CCDC60: variants seen among roughly 807,000 people sequenced by gnomAD.
The protein encoded by CCDC60 is coiled-coil domain-containing protein 60.
In CCDC60, 54 loss-of-function variants were observed where a neutral mutation model predicts 63.5. The ratio of observed to expected loss-of-function variants is 0.85; its 90% confidence interval spans 0.68 to 1.07. The LOEUF (loss-of-function observed/expected upper bound fraction) is 1.07, where lower values mean the gene tolerates loss of function less well. Ranked by LOEUF, CCDC60 falls within the 50% of genes least tolerant of loss-of-function variation. The probability of loss-of-function intolerance (pLI) is 0.00; values close to 1 mark genes in which losing one functional copy is unlikely to be tolerated. For synonymous variants in CCDC60, 206 were observed against 238.8 expected (o/e 0.86, Z 1.27); for missense variants, 651 against 684.3 (o/e 0.95, Z 0.54).
At chr12:119,377,684 A>G (rs535672416) in intron 1 of CCDC60, among the ~76,000 whole-genome samples, 1 of 152,344 alleles carries the variant, frequency 6.6e-6, no homozygotes, top group African/African-American at 2.4e-5. Context: ...AGCAAATGAA[A>G]AAATTTGGAA....
intron 2 of CCDC60, among the ~76,000 whole-genome samples, chr12:119,435,798 G>T (rs1254449260): frequency 6.6e-6 from 1 of 152,166 alleles, no homozygotes; most frequent in African/African-American, 2.4e-5. Context: ...TGATTATGAG[G>T]CTATGGTTCC....
intron 1 of CCDC60, among the ~76,000 whole-genome samples, chr12:119,406,611 G>C (rs1266939131): frequency 6.6e-6 from 1 of 151,818 alleles, no homozygotes; most frequent in East Asian, 1.9e-4. Flanking sequence ...AAGAGGAATA[G>C]CTGCTTAAAT....
rs1327192332 is a variant in CCDC60, at chr12:119,491,631, T to TAC, written c.557+2769_557+2770dup. 2.6e-5 allele frequency among the ~76,000 whole-genome samples: 4 copies of TAC among 152,266 alleles called. 1 individual carries two copies. In the South Asian group the frequency reaches 8.3e-4, roughly 32 times the overall value. On this transcript the variant is annotated intron_variant, in intron 5 of 13. Coordinates refer to ENST00000327554, the MANE Select transcript of CCDC60 (RefSeq NM_178499.5). ...GCATGAGCCACTGTGCCCGGCCCCT[T>TAC]ACACATATCTTTTATGCCCAGTTAC...
intron 2 of CCDC60, among the ~76,000 whole-genome samples, chr12:119,447,031 C>T: frequency 6.6e-6 from 1 of 152,012 alleles, no homozygotes. Flanking sequence ...ATAGCTTAAT[C>T]CTGGGGATCA....
At position 119,529,856 on chromosome 12, in the gene CCDC60, G is replaced by A. The variant is rs112429493; in HGVS notation, c.1362-1018G>A. 6.7e-3 allele frequency among the ~76,000 whole-genome samples: 1,023 copies of A among 152,286 alleles called. 9 individuals are homozygous for A. Among genetic ancestry groups the A allele is most frequent in the African/African-American group, 0.023 (966 of 41,554 alleles). ...GGAAATTAATGCTGGTCCTCCCACA[G>A]TGAGATTCAGCCCACAAATCTAATG... is the stretch of plus-strand genomic sequence containing the variant. On this transcript the variant is annotated intron_variant, in intron 12 of 13. Coordinates refer to ENST00000327554, the MANE Select transcript of CCDC60 (RefSeq NM_178499.5).
intron 1 of CCDC60, among the ~76,000 whole-genome samples, chr12:119,413,364 C>T (rs1956640696): frequency 6.6e-6 from 1 of 152,170 alleles, no homozygotes; most frequent in South Asian, 2.1e-4. Flanking sequence ...CATCTAGCGC[C>T]ACCTACTGTT....
At chr12:119,436,040 G>A (rs1468322542) in intron 2 of CCDC60, among the ~76,000 whole-genome samples, 1 of 152,202 alleles carries the variant, frequency 6.6e-6, no homozygotes, top group African/African-American at 2.4e-5. Flanking sequence ...GATCTTTTGA[G>A]CTTTAAGTTA....
intron 1 of CCDC60, among the ~76,000 whole-genome samples, chr12:119,355,506 T>G (rs1350759489): frequency 1.3e-5 from 2 of 152,238 alleles, no homozygotes; most frequent in East Asian, 3.9e-4. Context: ...CAAAACCCAT[T>G]TGCAGCACAC....
chr12:119,413,969 C>G (rs898080433), intron 1 of CCDC60, among the ~76,000 whole-genome samples: 1 of 151,946 alleles, frequency 6.6e-6, no homozygotes, highest in South Asian at 2.1e-4. Context: ...TCAGTTCCCC[C>G]TCCCTCACCT....
intron 2 of CCDC60, among the ~76,000 whole-genome samples, chr12:119,460,625 T>C (rs1261042959): frequency 1.3e-5 from 2 of 152,218 alleles, no homozygotes; most frequent in Non-Finnish European, 1.5e-5. Context: ...GTCTGTTCAA[T>C]GTCTTCTCAC....
chr12:119,530,431 A>G (rs1952808420), intron 12 of CCDC60, among the ~76,000 whole-genome samples: 1 of 151,978 alleles, frequency 6.6e-6, no homozygotes, highest in Admixed American at 6.6e-5. Context: ...CTTTGACCCA[A>G]CCTTGCTCAT....
intron 4 of CCDC60, among the ~76,000 whole-genome samples, chr12:119,482,143 T>TACACACACACACACATACAC (rs1555249384): frequency 7.0e-6 from 1 of 143,462 alleles, no homozygotes; most frequent in Non-Finnish European, 1.5e-5. Context: ...CACATATATA[T>TACACACACACACACATACAC]ACACACACAC....
chr12:119,466,110 T>C (rs1950949555), intron 2 of CCDC60, among the ~76,000 whole-genome samples: 1 of 152,226 alleles, frequency 6.6e-6, no homozygotes, highest in Non-Finnish European at 1.5e-5. Context: ...GTTTACTCCC[T>C]TACCTCCTTC....
chr12:119,434,089 T>G (rs1950283933), intron 2 of CCDC60, among the ~76,000 whole-genome samples: 1 of 152,194 alleles, frequency 6.6e-6, no homozygotes, highest in African/African-American at 2.4e-5. Flanking sequence ...TGGCAAAGTT[T>G]AGTTAGGTCC....
At chr12:119,454,846 G>C (rs535544653) in intron 2 of CCDC60, among the ~76,000 whole-genome samples, 1 of 152,112 alleles carries the variant, frequency 6.6e-6, no homozygotes, top group Non-Finnish European at 1.5e-5. Flanking sequence ...CAGCTTCCTG[G>C]TCATCCAGTA....
chr12:119,461,404 T>C (rs1950854578), intron 2 of CCDC60, among the ~76,000 whole-genome samples: 1 of 152,140 alleles, frequency 6.6e-6, no homozygotes, highest in Non-Finnish European at 1.5e-5. Context: ...TCGCCCATAC[T>C]GCTCCTCAAG....
At chr12:119,535,394 T>C (rs1278625155) in intron 13 of CCDC60, among the ~76,000 whole-genome samples, 2 of 152,298 alleles carry the variant, frequency 1.3e-5, no homozygotes, top group Non-Finnish European at 1.5e-5. Flanking sequence ...ATTTGAAGGG[T>C]TTTTTGTGTC....
intron 2 of CCDC60, among the ~76,000 whole-genome samples, chr12:119,444,694 T>A (rs1950508573): frequency 6.6e-6 from 1 of 152,206 alleles, no homozygotes; most frequent in Non-Finnish European, 1.5e-5. Context: ...GAGACCACGC[T>A]GGCCACTCTT....
At chr12:119,485,983 A>C (rs982360815) in intron 4 of CCDC60, among the ~76,000 whole-genome samples, 2 of 151,490 alleles carry the variant, frequency 1.3e-5, no homozygotes, top group Non-Finnish European at 2.9e-5. Flanking sequence ...TTCCCTCCCC[A>C]CCCCACATAT....
Sources: gnomAD v4.1 joint callset for allele counts (sites outside exome capture counted in the v4.1 genomes callset) on GRCh38, gnomAD v4.1.1 for gene constraint, MANE v1.5 for transcripts, NCBI Gene and HGNC (gene_info 2026-07-23, HGNC 2026-07-21) for gene names.